The following THADA variants were observed in gnomAD, a reference collection of about 807,000 sequenced individuals.
THADA encodes THADA armadillo repeat containing, also known as tRNA (32-2'-O)-methyltransferase regulator THADA.
In THADA, 213 loss-of-function variants were observed where a neutral mutation model predicts 219.8. That is an observed-to-expected ratio of 0.97 (90% CI 0.87 to 1.09). THADA has a LOEUF of 1.09. Ranked by LOEUF, THADA falls within the 50% of genes least tolerant of loss-of-function variation. The pLI is 0.00. For missense variants in THADA, 2,956 were observed against 2,311.3 expected, an observed-to-expected ratio of 1.28 and a Z score of -5.72; for synonymous variants, 1,018 against 828.9, an observed-to-expected ratio of 1.23 and a Z score of -3.92.
At chr2:43,560,157 T>A in intron 16 of THADA, 77 bp downstream of exon 16, 6 of 1,291,732 alleles carry the variant, frequency 4.6e-6, no homozygotes, top group Non-Finnish European at 6.4e-6. Flanking sequence ...AGCACATGAA[T>A]AATCCTCAGA....
At chr2:43,301,452 G>C (rs773124772) in intron 31 of THADA, among the ~76,000 whole-genome samples, 6 of 152,208 alleles carry the variant, frequency 3.9e-5, no homozygotes, top group Non-Finnish European at 7.3e-5. Context: ...AGATGCAGCA[G>C]TGAATTAGAC....
intron 29 of THADA, among the ~76,000 whole-genome samples, chr2:43,366,809 C>T (rs1439519642): frequency 6.6e-6 from 1 of 152,098 alleles, no homozygotes; most frequent in Non-Finnish European, 1.5e-5. Context: ...AAAGTAGGGT[C>T]TCAAAGAGAT....
chr2:43,464,312 A>T (rs1683979836), intron 26 of THADA, among the ~76,000 whole-genome samples: 1 of 151,046 alleles, frequency 6.6e-6, no homozygotes, highest in Admixed American at 6.6e-5. Flanking sequence ...CTATAAAACA[A>T]GTAACTTAAA....
intron 5 of THADA, 44 bp downstream of exon 5, chr2:43,586,810 G>A: frequency 1.2e-6 from 2 of 1,612,188 alleles, no homozygotes; most frequent in African/African-American, 1.3e-5. Flanking sequence ...ATGATGTGAT[G>A]AGAGGGGTTA....
At chr2:43,479,517 G>C (rs1428218151) in intron 26 of THADA, among the ~76,000 whole-genome samples, 1 of 151,840 alleles carries the variant, frequency 6.6e-6, no homozygotes, top group Admixed American at 6.6e-5. Context: ...AAAGAGTTAA[G>C]TCTAGAGAAA....
At chr2:43,570,886 T>G (rs895334821) in intron 13 of THADA, among the ~76,000 whole-genome samples, 1 of 152,224 alleles carries the variant, frequency 6.6e-6, no homozygotes, top group Non-Finnish European at 1.5e-5. Flanking sequence ...CCAAGTTTTC[T>G]TAAAACTACC....
At chr2:43,592,107 G>C in intron 2 of THADA, 61 bp from the exon 3 acceptor site, 2 of 1,354,914 alleles carry the variant, frequency 1.5e-6, no homozygotes, top group East Asian at 5.1e-5. Context: ...CTTTGCCTTT[G>C]TTGTGCATTC....
At chr2:43,533,184 A>G (rs371926714) in intron 21 of THADA, among the ~76,000 whole-genome samples, 38 of 152,368 alleles carry the variant, frequency 2.5e-4, no homozygotes, top group African/African-American at 8.7e-4. Context: ...CAAAACCACA[A>G]TGAGATACCA....
At chr2:43,255,812 A>G (rs775146448) in intron 36 of THADA, among the ~76,000 whole-genome samples, 1 of 152,220 alleles carries the variant, frequency 6.6e-6, no homozygotes, top group Non-Finnish European at 1.5e-5. Flanking sequence ...GCAAAAGGCA[A>G]CAGGCCCCGG....
intron 34 of THADA, among the ~76,000 whole-genome samples, chr2:43,289,797 G>A (rs1355350411): frequency 1.3e-5 from 2 of 151,790 alleles, no homozygotes; most frequent in African/African-American, 2.4e-5. Flanking sequence ...GATTACGGGC[G>A]CATACCACCA....
At chr2:43,373,073 G>C (rs1049694848) in intron 29 of THADA, among the ~76,000 whole-genome samples, 10 of 151,528 alleles carry the variant, frequency 6.6e-5, no homozygotes, top group African/African-American at 2.4e-4. Flanking sequence ...AAAACAAAGA[G>C]GAAAAAAAGA....
chr2:43,505,726 C>T lies in THADA; in HGVS notation c.3517G>A (p.Ala1173Thr). The change falls in exon 24 of 38, where the codon GCA becomes ACA. Residue 1173 changes from alanine (A) to threonine (T), a missense_variant. By Grantham distance (58) the Ala-to-Thr change is moderately conservative. Transcript: ENST00000405975. ...ATTCTGCCTTTCTTTGGTTCAGATG[C>T]CAACAGTGCCTATGGAAAAAGAATG... is the stretch of plus-strand genomic sequence containing the variant. ...GIPFYIQALL[A>T]SEPKKGRMDL... The T allele has an allele frequency of 6.3e-7, 1 of 1,579,008 alleles. No homozygotes were observed. The highest frequency in any genetic ancestry group is 8.6e-7 in the Non-Finnish European group (1 of 1,159,818).
At chr2:43,283,602 T>G (rs1673632546) in intron 35 of THADA, among the ~76,000 whole-genome samples, 1 of 152,232 alleles carries the variant, frequency 6.6e-6, no homozygotes, top group African/African-American at 2.4e-5. Flanking sequence ...GCAAAGAGAT[T>G]GGTGGCATTT....
intron 36 of THADA, among the ~76,000 whole-genome samples, chr2:43,256,812 C>T (rs1670363648): frequency 1.3e-5 from 2 of 152,160 alleles, no homozygotes; most frequent in Admixed American, 6.5e-5. Context: ...CTCCTGGGCT[C>T]AAGTGATCCT....
intron 26 of THADA, among the ~76,000 whole-genome samples, chr2:43,475,034 A>G (rs1201197787): frequency 1.3e-5 from 2 of 152,240 alleles, no homozygotes; most frequent in Admixed American, 6.5e-5. Context: ...GAGATTGTTC[A>G]GGACAACTGA....
At position 43,310,614 on chromosome 2, in the gene THADA, T is replaced by A. The variant is rs149788248; in HGVS notation, c.4438+9832A>T. 7.2e-5 allele frequency among the ~76,000 whole-genome samples: 11 copies of A among 152,298 alleles called. No homozygotes were observed. The East Asian group carries it at 2.1e-3, about 29-fold the overall frequency. ...TAACTCAACATGGATCATAAACTTA[T>A]GAACTAAAACTGTAAAACTTCCAGA... On this transcript the variant is annotated intron_variant, in intron 31 of 37. Transcript: ENST00000405975.
intron 26 of THADA, among the ~76,000 whole-genome samples, chr2:43,460,855 G>C (rs893189990): frequency 6.6e-6 from 1 of 152,188 alleles, no homozygotes; most frequent in Non-Finnish European, 1.5e-5. Context: ...GATTAACCAG[G>C]ATGTTGACAG....
chr2:43,535,691 A>G (rs1181814902), intron 21 of THADA, among the ~76,000 whole-genome samples: 2 of 151,694 alleles, frequency 1.3e-5, no homozygotes, highest in Admixed American at 6.6e-5. Context: ...AAAAAAAAAA[A>G]AAAAAAAAAG....
intron 22 of THADA, among the ~76,000 whole-genome samples, chr2:43,525,757 T>A (rs1383179410): frequency 6.6e-6 from 1 of 152,124 alleles, no homozygotes; most frequent in Non-Finnish European, 1.5e-5. Flanking sequence ...ATGAATGTAA[T>A]AAAATGTGTC....
Sources: allele counts gnomAD v4.1 joint callset (sites outside exome capture counted in the v4.1 genomes callset), GRCh38; gene constraint gnomAD v4.1.1; transcripts MANE v1.5; gene names NCBI Gene and HGNC (gene_info 2026-07-23, HGNC 2026-07-21).